WSB1: variants seen among roughly 807,000 people sequenced by gnomAD.
The protein encoded by WSB1 is WD repeat and SOCS box-containing protein 1.
WSB1 carries 23 observed loss-of-function variants against 50.2 expected under a neutral mutation model. The observed-to-expected ratio is 0.46, with a 90% CI of 0.33 to 0.65. The LOEUF is 0.65. Among genes scored for constraint, WSB1 ranks in the 30% least tolerant of loss-of-function variants. The probability of loss-of-function intolerance (pLI) is 0.02; values close to 1 mark genes in which losing one functional copy is unlikely to be tolerated. For missense variants in WSB1, 492 were observed against 522.3 expected, an observed-to-expected ratio of 0.94 and a Z score of 0.56; for synonymous variants, 179 against 172.0, an observed-to-expected ratio of 1.04 and a Z score of -0.32.
chr17:27,302,066 TGTC>T (rs1422378709), intron 2 of WSB1, 110 bp downstream of exon 2: 3 of 1,289,252 alleles, frequency 2.3e-6, no homozygotes, highest in Non-Finnish European at 3.1e-6. Context: ...TTATAGATGA[TGTC>T]GTGAGTTTTA....
At chr17:27,301,738 A>C in intron 1 of WSB1, 50 bp from the exon 2 acceptor site, 1 of 1,585,754 alleles carries the variant, frequency 6.3e-7, no homozygotes, top group East Asian at 2.2e-5. Context: ...GCAGTCTCAC[A>C]TGTATTGTTG....
chr17:27,310,319 C>A, intron 7 of WSB1, 145 bp downstream of exon 7: 1 of 641,732 alleles, frequency 1.6e-6, no homozygotes, highest in Non-Finnish European at 2.7e-6. Context: ...AGAATATCGG[C>A]CTGAACAATT....
chr17:27,302,070 G>C, intron 2 of WSB1, 114 bp downstream of exon 2: 4 of 1,273,424 alleles, frequency 3.1e-6, no homozygotes, highest in Non-Finnish European at 4.2e-6. Flanking sequence ...AGATGATGTC[G>C]TGAGTTTTAA....
intron 1 of WSB1, among the ~76,000 whole-genome samples, chr17:27,299,760 C>T (rs2017147970): frequency 6.6e-6 from 1 of 152,062 alleles, no homozygotes; most frequent in African/African-American, 2.4e-5. Context: ...GATCTCTTAG[C>T]CTGGTAAAAA....
intron 5 of WSB1, chr17:27,307,785 C>T: frequency 6.5e-7 from 1 of 1,534,920 alleles, no homozygotes; most frequent in East Asian, 2.4e-5. Flanking sequence ...TATGCTGGCA[C>T]CACTCGCACA....
In WSB1 at chr17:27,314,390, CAT is replaced by C. The variant is rs1160660660; in HGVS notation, c.*2023_*2024del. The C allele has an allele frequency of 2.6e-5, 4 of 152,144 alleles. No homozygotes were observed. Among genetic ancestry groups the C allele is most frequent in the Non-Finnish European group, 5.9e-5 (4 of 68,046 alleles). The allele number at this position is 152,144 out of a possible 1,614,324, so 9.4% of individuals were successfully genotyped here. The stretch of plus-strand genomic sequence containing the variant: ...GGGAGTTCATGACAAGCCTGACCAA[CAT>C]AGTGAAACCCCTGTCTCTACTAAAA... On this transcript the variant is annotated 3_prime_UTR_variant, in exon 9 of 9. Transcript: ENST00000262394.
At chr17:27,301,398 C>T (rs1192537008) in intron 1 of WSB1, among the ~76,000 whole-genome samples, 1 of 152,134 alleles carries the variant, frequency 6.6e-6, no homozygotes. Context: ...TTGGAAGATA[C>T]TTTTCCTGCC....
chr17:27,308,048 G>T (rs2017529179), intron 5 of WSB1: 1 of 1,192,716 alleles, frequency 8.4e-7, no homozygotes, highest in Non-Finnish European at 1.0e-6. Context: ...TTGGGAGTCT[G>T]ACAAGTGAAA....
At position 27,315,043 on chromosome 17, in the gene WSB1, G is replaced by A. The variant is rs1434164772; in HGVS notation, c.*2674G>A. 1.3e-5 allele frequency: 2 copies of A among 152,136 alleles called. No homozygotes were observed. The highest frequency in any genetic ancestry group is 6.6e-5 in the Admixed American group (1 of 15,266). 9.4% of individuals were successfully genotyped at this position (152,136 alleles called of 1,614,324 possible). On this transcript the variant is annotated 3_prime_UTR_variant, in exon 9 of 9. Transcript: ENST00000262394. ...CCTCTTCTCGTGAAAACCATAGTGAGTGCCAGTGTGAAAGGAAGATTGCAG... is the reference window on the plus strand; with the variant it reads ...CCTCTTCTCGTGAAAACCATAGTGAATGCCAGTGTGAAAGGAAGATTGCAG...
chr17:27,299,246 C>T (rs2017119856), intron 1 of WSB1, among the ~76,000 whole-genome samples: 2 of 152,154 alleles, frequency 1.3e-5, no homozygotes, highest in African/African-American at 4.8e-5. Context: ...TTATGTGGCT[C>T]ACATCTGTAA....
intron 6 of WSB1, among the ~76,000 whole-genome samples, 175 bp downstream of exon 6, chr17:27,309,447 A>C (rs1177459239): frequency 6.6e-6 from 1 of 152,174 alleles, no homozygotes; most frequent in Non-Finnish European, 1.5e-5. Flanking sequence ...TCTAAAAGTA[A>C]ATTTGGCTCT....
At chr17:27,306,936 G>GCACA in intron 5 of WSB1, 54 bp downstream of exon 5, 4 of 1,511,834 alleles carry the variant, frequency 2.6e-6, no homozygotes, top group Non-Finnish European at 3.7e-6. Flanking sequence ...GATAATGTGT[G>GCACA]CATAATCATT....
intron 1 of WSB1, among the ~76,000 whole-genome samples, chr17:27,298,501 G>A (rs547888408): frequency 6.6e-5 from 10 of 152,204 alleles, no homozygotes; most frequent in African/African-American, 2.4e-4. Context: ...TGGGAGGATC[G>A]TTTGAGGCCA....
Position 27,311,248 on chromosome 17 carries a change from A to C in WSB1, c.999-261A>C, listed in dbSNP as rs370841622. Among the ~76,000 whole-genome samples the C allele has an allele frequency of 2.0e-5, 3 of 152,356 alleles. No homozygotes were observed. The South Asian group carries it at 6.2e-4, about 32-fold the overall frequency. On this transcript the variant is annotated intron_variant, in intron 7 of 8. Coordinates refer to ENST00000262394, the MANE Select transcript of WSB1 (RefSeq NM_015626.10). ...AAGGAGAAAGTTTCCGGGTGTGAACATTCTAGGTTTGAACACTGGGAAGGA... is the reference window on the plus strand; with the variant it reads ...AAGGAGAAAGTTTCCGGGTGTGAACCTTCTAGGTTTGAACACTGGGAAGGA...
intron 1 of WSB1, among the ~76,000 whole-genome samples, chr17:27,295,146 T>C (rs2016900185): frequency 6.6e-6 from 1 of 152,198 alleles, no homozygotes; most frequent in African/African-American, 2.4e-5. Flanking sequence ...ACCTACTTAG[T>C]GGCTCAGTGG....
chr17:27,300,434 A>C (rs149755926), intron 1 of WSB1, among the ~76,000 whole-genome samples: 1 of 152,308 alleles, frequency 6.6e-6, no homozygotes, highest in East Asian at 1.9e-4. Flanking sequence ...CTGAGTTTGC[A>C]TGCATGCATT....
Position 27,309,188 on chromosome 17 carries a change from A to T in WSB1, c.800A>T (p.Asp267Val), listed in dbSNP as rs1174207765. ...GTGGTAGCTTGTGACTTTTCTCCTG[A>T]TGGAGCATTACTGGCTACTGCATCT... The part of the protein sequence containing the change: ...HDVVACDFSP[D>V]GALLATASYD... Residue 267 changes from aspartate to valine, a missense_variant, in exon 6 of 9, where the codon GAT becomes GTT. Physicochemically the swap from Asp to Val is radical, Grantham distance 152. Transcript: ENST00000262394. The T allele has an allele frequency of 1.2e-6, 2 of 1,613,610 alleles. No individual in the cohort carries two copies. Among genetic ancestry groups the T allele is most frequent in the East Asian group, 4.5e-5 (2 of 44,828 alleles).
intron 1 of WSB1, among the ~76,000 whole-genome samples, chr17:27,298,777 T>C (rs2017100096): frequency 1.3e-5 from 2 of 152,028 alleles, no homozygotes. Context: ...GGCAGGAGAA[T>C]TGCTTGAACC....
chr17:27,297,233 TCA>T (rs2017016113), intron 1 of WSB1: 1 of 152,174 alleles, frequency 6.6e-6, no homozygotes, highest in African/African-American at 2.4e-5. Flanking sequence ...TAGCGCAGTC[TCA>T]GCTTACTGCA....
Sources: allele counts gnomAD v4.1 joint callset (sites outside exome capture counted in the v4.1 genomes callset), GRCh38; gene constraint gnomAD v4.1.1; transcripts MANE v1.5; gene names NCBI Gene and HGNC (gene_info 2026-07-23, HGNC 2026-07-21).